ANKFY1: variants seen among roughly 807,000 people sequenced by gnomAD.
The protein encoded by ANKFY1 is ankyrin repeat and FYVE domain containing 1.
In ANKFY1, 47 loss-of-function variants were observed where a neutral mutation model predicts 128.3. That is an observed-to-expected ratio of 0.37 (90% confidence interval 0.29 to 0.47). ANKFY1 has a LOEUF of 0.47. Ranked by LOEUF, ANKFY1 falls within the 20% of genes least tolerant of loss-of-function variation. The probability of loss-of-function intolerance (pLI) is 1.00; values close to 1 mark genes in which losing one functional copy is unlikely to be tolerated. For synonymous variants in ANKFY1, 553 were observed against 601.6 expected (o/e 0.92, Z 1.18); for missense variants, 1,222 against 1,510.6 (o/e 0.81, Z 3.17).
At chr17:4,226,797 A>ACAAAGC (rs2060434192) in intron 3 of ANKFY1, among the ~76,000 whole-genome samples, 1 of 151,936 alleles carries the variant, frequency 6.6e-6, no homozygotes. Flanking sequence ...GAGAAAATTA[A>ACAAAGC]CAAAGCCAAA....
At chr17:4,189,697 C>CAGTAGGCCCACGCCAGAG (rs2059680695) in intron 10 of ANKFY1, among the ~76,000 whole-genome samples, 1 of 135,314 alleles carries the variant, frequency 7.4e-6, no homozygotes, top group African/African-American at 3.0e-5. Context: ...CCACGCCAGA[C>CAGTAGGCCCACGCCAGAG]AGTAGGCCCA....
chr17:4,263,462 G>GCCC, intron 1 of ANKFY1: 2 of 1,213,702 alleles, frequency 1.6e-6, no homozygotes, highest in Non-Finnish European at 2.2e-6. Context: ...CTGCTGCCTC[G>GCCC]CCCCCACCCC....
At position 4,179,512 on chromosome 17, in the gene ANKFY1, A is replaced by G. The variant is rs962067089; in HGVS notation, c.2397+209T>C. On this transcript the variant is annotated intron_variant, in intron 17 of 24. Coordinates refer to ENST00000341657, the MANE Select transcript of ANKFY1 (RefSeq NM_001330063.2). Reference sequence around the variant, plus strand: ...GGGGGAATAGGAGGCAAAGAGAAAGAGCTGAAACAAATCTTCCTCCTGTTG... The same window carrying G: ...GGGGGAATAGGAGGCAAAGAGAAAGGGCTGAAACAAATCTTCCTCCTGTTG... The G allele has an allele frequency of 7.1e-5, 45 of 634,584 alleles. No homozygotes were observed. In the South Asian group the frequency reaches 9.3e-4, roughly 13 times the overall value. The allele number at this position is 634,584 out of a possible 1,614,324, so 39.3% of individuals were successfully genotyped here.
intron 10 of ANKFY1, among the ~76,000 whole-genome samples, chr17:4,193,340 C>T (rs566217093): frequency 2.6e-5 from 4 of 152,044 alleles, no homozygotes; most frequent in East Asian, 1.9e-4. Flanking sequence ...ACTGCAGCCT[C>T]CAACTCCTGG....
In ANKFY1 at chr17:4,189,462, G is replaced by A. The variant is rs759043379; in HGVS notation, c.1390C>T (p.Arg464Trp). 1.5e-5 allele frequency: 24 copies of A among 1,585,300 alleles called. No homozygotes were observed. The highest frequency in any genetic ancestry group is 3.5e-5 in the Admixed American group (2 of 57,406). Residue 464 changes from arginine (R) to tryptophan (W), a missense_variant, in exon 11 of 25, where the codon CGG becomes TGG. Physicochemically the swap from Arg to Trp is moderately radical, Grantham distance 101. Transcript: ENST00000341657. The part of the protein sequence containing the change: ...DTATGNCLLQ[R>W]AAGAGNEAAA... ...GCCTCGTTTCCTGCTCCAGCTGCCC[G>A]CTGTAGTAAACAGTTTCCTAAAAGA... is the stretch of plus-strand genomic sequence containing the variant.
chr17:4,174,044 C>A lies in ANKFY1; in HGVS notation c.2788G>T (p.Ala930Ser), dbSNP rs1246556188. The change falls in exon 20 of 25, where the codon GCC becomes TCC. Residue 930 changes from alanine (A) to serine (S), a missense_variant. By Grantham distance (99) the Ala-to-Ser change is moderately conservative (BLOSUM62 1). Coordinates refer to ENST00000341657, the MANE Select transcript of ANKFY1 (RefSeq NM_001330063.2). ...TGCTTGGTTAATTCGTTCACTTTGG[C>A]TCCCGCAAGAAGCTGTTGAAGTTCA... is the stretch of plus-strand genomic sequence containing the variant. Reference protein sequence around the residue: ...IIVRNLLLAGAKVNELTKHRQ... With the variant: ...IIVRNLLLAGSKVNELTKHRQ... 8 of 1,613,972 alleles carry A rather than the reference C, an allele frequency of 5.0e-6. No homozygotes were observed. Among genetic ancestry groups the A allele is most frequent in the Middle Eastern group, 3.3e-4 (2 of 6,030 alleles).
At chr17:4,200,252 T>G (rs945973475) in intron 7 of ANKFY1, among the ~76,000 whole-genome samples, 1 of 151,898 alleles carries the variant, frequency 6.6e-6, no homozygotes, top group African/African-American at 2.4e-5. Context: ...TTGGTAGAGG[T>G]GGGTTTTGCT....
rs527839393 is a variant in ANKFY1, at chr17:4,185,614, G to T, written c.1471-568C>A. Among the ~76,000 whole-genome samples the T allele has an allele frequency of 1.2e-4, 19 of 152,228 alleles. No homozygotes were observed. In the South Asian group the frequency reaches 3.7e-3, roughly 30 times the overall value. ...CCCAAATAGCTGGGGTTACAGGCGTGAGGCACTGCGCCTGGTTCCACCCTT... is the reference window on the plus strand; with the variant it reads ...CCCAAATAGCTGGGGTTACAGGCGTTAGGCACTGCGCCTGGTTCCACCCTT... On this transcript the variant is annotated intron_variant, in intron 11 of 24. Transcript: ENST00000341657.
chr17:4,246,879 A>G (rs1412017295), intron 1 of ANKFY1, among the ~76,000 whole-genome samples: 1 of 152,172 alleles, frequency 6.6e-6, no homozygotes, highest in African/African-American at 2.4e-5. Flanking sequence ...TGTGGGTCCC[A>G]GGCAGGAGGA....
At chr17:4,203,228 T>C (rs1207488060) in intron 7 of ANKFY1, among the ~76,000 whole-genome samples, 1 of 152,112 alleles carries the variant, frequency 6.6e-6, no homozygotes, top group Non-Finnish European at 1.5e-5. Flanking sequence ...CAGAAACAGT[T>C]AAAATAAAAG....
chr17:4,182,468 A>G, intron 14 of ANKFY1, 119 bp from the exon 15 acceptor site: 1 of 746,228 alleles, frequency 1.3e-6, no homozygotes, highest in Non-Finnish European at 2.0e-6. Context: ...ACTCACAATC[A>G]TTCAATATTT....
rs890475497 is a variant in ANKFY1, at chr17:4,166,175, G to C, written c.*1604C>G. Reference sequence around the variant, plus strand: ...AGACTTTTTTTTAAGTAGTACTCCAGTTTATCAGCTCATTTTACACACATA... The same window carrying C: ...AGACTTTTTTTTAAGTAGTACTCCACTTTATCAGCTCATTTTACACACATA... On this transcript the variant is annotated 3_prime_UTR_variant, in exon 25 of 25. Transcript: ENST00000341657. 7 of 152,100 alleles carry C rather than the reference G, an allele frequency of 4.6e-5. No individual in the cohort carries two copies. Among genetic ancestry groups the C allele is most frequent in the African/African-American group, 1.7e-4 (7 of 41,396 alleles). 9.4% of individuals were successfully genotyped at this position (152,100 alleles called of 1,614,324 possible). A position where few individuals can be genotyped will look rare whatever the true frequency, so the allele number is the denominator to read the frequency against.
chr17:4,171,220 A>G (rs2059314028), intron 22 of ANKFY1, among the ~76,000 whole-genome samples: 1 of 152,200 alleles, frequency 6.6e-6, no homozygotes, highest in Admixed American at 6.5e-5. Context: ...CTGGCATGAA[A>G]CACTGGTTTC....
chr17:4,222,311 G>C (rs749714871), intron 3 of ANKFY1: 1 of 713,284 alleles, frequency 1.4e-6, no homozygotes. Context: ...CGGCTGATCG[G>C]TCTTGATGCA....
Position 4,173,428 on chromosome 17 carries a change from G to A in ANKFY1, c.2940C>T (p.Val980=). The A allele has an allele frequency of 6.2e-7, 1 of 1,614,164 alleles. No homozygotes were observed. The highest frequency in any genetic ancestry group is 8.5e-7 in the Non-Finnish European group (1 of 1,179,988). Residue 980 remains valine, a synonymous_variant, in exon 21 of 25, where the codon GTC becomes GTT. Coordinates refer to ENST00000341657, the MANE Select transcript of ANKFY1 (RefSeq NM_001330063.2). The part of the protein sequence containing the change: ...ENGNNALHLA[V]MHGRLNNIRV... ...GGATGTTGTTGAGCCGGCCGTGCATGACAGCAAGATGAAGAGCTGGGAAGT... is the reference window on the plus strand; with the variant it reads ...GGATGTTGTTGAGCCGGCCGTGCATAACAGCAAGATGAAGAGCTGGGAAGT...
intron 2 of ANKFY1, 28 bp from the exon 3 acceptor site, chr17:4,235,918 T>C (rs368381236): frequency 8.6e-6 from 13 of 1,515,246 alleles, no homozygotes; most frequent in Non-Finnish European, 1.1e-5. Flanking sequence ...CCACATATAT[T>C]AGAAAAATGT....
At chr17:4,200,594 C>T (rs555599882) in intron 7 of ANKFY1, among the ~76,000 whole-genome samples, 1 of 152,298 alleles carries the variant, frequency 6.6e-6, no homozygotes, top group South Asian at 2.1e-4. Context: ...TGCAGAACAA[C>T]GTCCTAGAGT....
At chr17:4,250,279 C>T (rs1460123020) in intron 1 of ANKFY1, among the ~76,000 whole-genome samples, 1 of 152,184 alleles carries the variant, frequency 6.6e-6, no homozygotes, top group Non-Finnish European at 1.5e-5. Context: ...TGACTGACTG[C>T]TACTATAAAC....
chr17:4,253,603 T>A (rs773081342), intron 1 of ANKFY1, among the ~76,000 whole-genome samples: 1 of 152,174 alleles, frequency 6.6e-6, no homozygotes, highest in Non-Finnish European at 1.5e-5. Flanking sequence ...CACATCGTTA[T>A]TAATCTTCCT....
Sources: allele counts gnomAD v4.1 joint callset (sites outside exome capture counted in the v4.1 genomes callset), GRCh38; gene constraint gnomAD v4.1.1; transcripts MANE v1.5; gene names NCBI Gene and HGNC (gene_info 2026-07-23, HGNC 2026-07-21).